TBL1XR1: variants seen among roughly 807,000 people sequenced by gnomAD.
TBL1XR1 encodes TBL1X/Y related 1.
TBL1XR1 carries 5 observed loss-of-function variants against 66.9 expected under a neutral mutation model. The ratio of observed to expected loss-of-function variants is 0.07; its 90% CI spans 0.04 to 0.16. The LOEUF is 0.16. Among genes scored for constraint, TBL1XR1 ranks in the 10% least tolerant of loss-of-function variants. The pLI, the probability that TBL1XR1 is intolerant of heterozygous loss-of-function variation, is 1.00. For synonymous variants in TBL1XR1, 210 were observed against 206.0 expected (o/e 1.02, Z -0.17); for missense variants, 238 against 623.2 (o/e 0.38, Z 6.58).
rs80057603 is a variant in TBL1XR1, at chr3:177,145,815, A to C, written c.-121-47274T>G. ...TATTGGTTATCTTCTCCAGGTGTTG[A>C]ACATATAGTTGCAAAGGGCAGTCTT... On this transcript the variant is annotated intron_variant, in intron 1 of 15. Coordinates refer to ENST00000457928, the MANE Select transcript of TBL1XR1 (RefSeq NM_024665.7). 1.9e-3 allele frequency among the ~76,000 whole-genome samples: 292 copies of C among 152,328 alleles called. 21 individuals are homozygous for C. In the East Asian group the frequency reaches 0.055, roughly 29 times the overall value.
intron 1 of TBL1XR1, among the ~76,000 whole-genome samples, chr3:177,170,971 A>G (rs1733392873): frequency 1.3e-5 from 2 of 152,264 alleles, no homozygotes; most frequent in African/African-American, 2.4e-5. Flanking sequence ...ACCTTTTTGA[A>G]GCCCACTGAG....
At chr3:177,112,543 A>G (rs1314308939) in intron 1 of TBL1XR1, among the ~76,000 whole-genome samples, 3 of 152,186 alleles carry the variant, frequency 2.0e-5, no homozygotes, top group African/African-American at 4.8e-5. Context: ...ATCAGAGGTG[A>G]TAAAATGAGT....
At chr3:177,089,708 T>G (rs1722589248) in intron 2 of TBL1XR1, among the ~76,000 whole-genome samples, 1 of 152,116 alleles carries the variant, frequency 6.6e-6, no homozygotes, top group South Asian at 2.1e-4. Context: ...TTAGAAGTTG[T>G]GGGATGACTA....
intron 3 of TBL1XR1, among the ~76,000 whole-genome samples, chr3:177,054,368 T>C (rs1488791913): frequency 1.3e-5 from 2 of 152,160 alleles, no homozygotes; most frequent in Admixed American, 6.5e-5. Flanking sequence ...GGAACTTTAT[T>C]TCAAATTTTC....
Position 177,037,975 on chromosome 3 carries a change from T to C in TBL1XR1, c.1122+123A>G, listed in dbSNP as rs139777782. 1.6e-4 allele frequency: 115 copies of C among 717,568 alleles called. No individual in the cohort carries two copies. The African/African-American group carries it at 1.8e-3, about 11-fold the overall frequency. 44.5% of individuals were successfully genotyped at this position (717,568 alleles called of 1,614,324 possible). Reference sequence around the variant, plus strand: ...AAACAATGGTTAGCCATTTAAAATGTTGGAGTTTTCATGCAGGTACAAACA... The same window carrying C: ...AAACAATGGTTAGCCATTTAAAATGCTGGAGTTTTCATGCAGGTACAAACA... On this transcript the variant is annotated intron_variant, in intron 12 of 15. Coordinates refer to ENST00000457928, the MANE Select transcript of TBL1XR1 (RefSeq NM_024665.7).
chr3:177,160,428 T>C (rs968392790), intron 1 of TBL1XR1, among the ~76,000 whole-genome samples: 1 of 150,586 alleles, frequency 6.6e-6, no homozygotes, highest in Non-Finnish European at 1.5e-5. Flanking sequence ...GAGCCAAGAT[T>C]GCGCCACTGC....
chr3:177,028,549 C>T (rs1713481251), intron 14 of TBL1XR1, among the ~76,000 whole-genome samples: 1 of 152,096 alleles, frequency 6.6e-6, no homozygotes, highest in South Asian at 2.1e-4. Context: ...AACCATAAGG[C>T]ACCTCAAAAC....
chr3:177,168,315 C>G (rs1733071929), intron 1 of TBL1XR1, among the ~76,000 whole-genome samples: 1 of 148,568 alleles, frequency 6.7e-6, no homozygotes, highest in Non-Finnish European at 1.5e-5. Flanking sequence ...AAGTTTCACT[C>G]TTGTTGCCCA....
intron 9 of TBL1XR1, 97 bp from the exon 10 acceptor site, chr3:177,046,286 T>C (rs1235099136): frequency 4.7e-6 from 4 of 853,136 alleles, no homozygotes; most frequent in Non-Finnish European, 7.0e-6. Context: ...ATATGAAATG[T>C]CAGAGTGGAT....
At chr3:177,044,627 G>A (rs1211065707) in intron 10 of TBL1XR1, among the ~76,000 whole-genome samples, 2 of 152,054 alleles carry the variant, frequency 1.3e-5, no homozygotes, top group Non-Finnish European at 2.9e-5. Flanking sequence ...ATATCAAATG[G>A]TTCAAGTAAA....
At chr3:177,044,173 T>C (rs570457373) in intron 10 of TBL1XR1, among the ~76,000 whole-genome samples, 1 of 152,314 alleles carries the variant, frequency 6.6e-6, no homozygotes, top group East Asian at 1.9e-4. Context: ...TCATCTCACA[T>C]GTTGTTTAAT....
intron 2 of TBL1XR1, among the ~76,000 whole-genome samples, chr3:177,083,311 GTC>G (rs1721676315): frequency 1.6e-5 from 2 of 127,422 alleles, no homozygotes; most frequent in South Asian, 6.6e-4. Context: ...CCCTCCAAAT[GTC>G]TGTATTAGAA....
chr3:177,184,598 T>A (rs1002306471), intron 1 of TBL1XR1, among the ~76,000 whole-genome samples: 1 of 152,118 alleles, frequency 6.6e-6, no homozygotes, highest in Non-Finnish European at 1.5e-5. Flanking sequence ...GGTCAGGAGT[T>A]CAAGACCAGC....
At chr3:177,056,224 C>A (rs1358654941) in intron 3 of TBL1XR1, among the ~76,000 whole-genome samples, 1 of 152,180 alleles carries the variant, frequency 6.6e-6, no homozygotes, top group Non-Finnish European at 1.5e-5. Flanking sequence ...TACATGATTT[C>A]TGTATACTTT....
intron 1 of TBL1XR1, among the ~76,000 whole-genome samples, chr3:177,158,492 G>A (rs1158935156): frequency 3.3e-5 from 5 of 152,118 alleles, no homozygotes; most frequent in African/African-American, 4.8e-5. Context: ...CTCCCAATGT[G>A]CTGGGATTAC....
At chr3:177,112,078 T>C (rs1400100526) in intron 1 of TBL1XR1, among the ~76,000 whole-genome samples, 1 of 39,572 alleles carries the variant, frequency 2.5e-5, no homozygotes, top group Non-Finnish European at 4.6e-5. Flanking sequence ...AAATCAAATA[T>C]ATATATATAT....
intron 12 of TBL1XR1, 43 bp from the exon 13 acceptor site, chr3:177,034,368 A>G (rs1353169703): frequency 8.1e-6 from 11 of 1,358,792 alleles, no homozygotes; most frequent in Non-Finnish European, 1.1e-5. Context: ...TTTCCATACA[A>G]TGAGTATATT....
intron 2 of TBL1XR1, among the ~76,000 whole-genome samples, chr3:177,093,480 T>C (rs1486111970): frequency 6.6e-6 from 1 of 152,118 alleles, no homozygotes; most frequent in Non-Finnish European, 1.5e-5. Flanking sequence ...CAGTCCTAAA[T>C]TTCTATGGTA....
rs1712168680 is a variant in TBL1XR1 at position 177,020,184 on chromosome 3, C to T, written c.*5314G>A. 1 of 150,768 alleles carries T rather than the reference C, an allele frequency of 6.6e-6. No homozygotes were observed. The highest frequency in any genetic ancestry group is 1.5e-5 in the Non-Finnish European group (1 of 67,616). The allele number at this position is 150,768 out of a possible 1,614,324, so 9.3% of individuals were successfully genotyped here. On this transcript the variant is annotated 3_prime_UTR_variant, in exon 16 of 16. Coordinates refer to ENST00000457928, the MANE Select transcript of TBL1XR1 (RefSeq NM_024665.7). ...AAAAAAGGTCACCGAGAAGTTGAGC[C>T]TCCTGCCCTAATCTTCAACACATCT...
Sources: allele counts gnomAD v4.1 joint callset (sites outside exome capture counted in the v4.1 genomes callset), GRCh38; gene constraint gnomAD v4.1.1; transcripts MANE v1.5; gene names NCBI Gene and HGNC (gene_info 2026-07-23, HGNC 2026-07-21).